Variants in PRR16 observed in about 807,000 individuals in gnomAD.
PRR16 encodes protein Largen.
PRR16 carries 6 observed loss-of-function variants against 18.2 expected under a neutral mutation model. That is an observed-to-expected ratio of 0.33 (90% CI 0.18 to 0.65). The LOEUF (loss-of-function observed/expected upper bound fraction) is 0.65, where lower values mean the gene tolerates loss of function less well. Ranked by LOEUF, PRR16 falls within the 30% of genes least tolerant of loss-of-function variation. PRR16 has a pLI of 0.74. For missense variants in PRR16, 412 were observed against 376.6 expected, an observed-to-expected ratio of 1.09 and a Z score of -0.78; for synonymous variants, 151 against 147.8, an observed-to-expected ratio of 1.02 and a Z score of -0.16.
chr5:120,761,856 C>G, the PRR16 span, among the ~76,000 whole-genome samples: 2 of 152,110 alleles, frequency 1.3e-5, no homozygotes, highest in African/African-American at 4.8e-5. Context: ...ACCAACCTCT[C>G]TTCATTTACC....
At chr5:120,593,647 A>G (rs891030522) in intron 1 of PRR16, among the ~76,000 whole-genome samples, 1 of 152,142 alleles carries the variant, frequency 6.6e-6, no homozygotes, top group Admixed American at 6.5e-5. Flanking sequence ...TCTCCAATTC[A>G]TTCCATGAGG....
chr5:120,716,948 G>C, the PRR16 span, among the ~76,000 whole-genome samples: 2 of 152,074 alleles, frequency 1.3e-5, no homozygotes, highest in Middle Eastern at 3.2e-3. Context: ...GTGAGTGAAT[G>C]AATCAATATT....
the PRR16 span, among the ~76,000 whole-genome samples, chr5:120,779,811 C>T: frequency 6.6e-6 from 1 of 152,144 alleles, no homozygotes; most frequent in East Asian, 1.9e-4. Context: ...ACTGCCACCT[C>T]CTTCAGTTGT....
chr5:120,609,253 G>C (rs1031019702), intron 1 of PRR16, among the ~76,000 whole-genome samples: 1 of 151,808 alleles, frequency 6.6e-6, no homozygotes, highest in East Asian at 1.9e-4. Flanking sequence ...GTACCATTCA[G>C]TGGCATCATT....
chr5:120,541,227 A>C (rs2112683049), intron 1 of PRR16, among the ~76,000 whole-genome samples: 1 of 152,242 alleles, frequency 6.6e-6, no homozygotes, highest in South Asian at 2.1e-4. Flanking sequence ...GCTCACTGCA[A>C]CCTCTGCCTC....
intron 1 of PRR16, among the ~76,000 whole-genome samples, chr5:120,520,531 G>A (rs761897031): frequency 1.3e-5 from 2 of 152,190 alleles, no homozygotes; most frequent in Non-Finnish European, 2.9e-5. Context: ...AGAACCCAGG[G>A]TGAGAGAAAC....
chr5:120,574,862 G>A (rs1312830768), intron 1 of PRR16, among the ~76,000 whole-genome samples: 1 of 148,830 alleles, frequency 6.7e-6, no homozygotes, highest in Non-Finnish European at 1.5e-5. Context: ...TGAAAACAAT[G>A]CAAACATTAA....
chr5:120,672,410 G>A lies in PRR16; in HGVS notation c.160-13544G>A, dbSNP rs576094708. On this transcript the variant is annotated intron_variant, in intron 1 of 1. Coordinates refer to ENST00000407149, the MANE Select transcript of PRR16 (RefSeq NM_001300783.2). The stretch of plus-strand genomic sequence containing the variant: ...GTGTGGAGTGAGGATGGGTGGCACA[G>A]GAGCCTCCTGGTGTGGATGGCAGGA... Among the ~76,000 whole-genome samples, 12 of 152,016 alleles carry A rather than the reference G, an allele frequency of 7.9e-5. No homozygotes were observed. The East Asian group carries it at 2.3e-3, about 29-fold the overall frequency.
At chr5:120,778,543 A>G in the PRR16 span, among the ~76,000 whole-genome samples, 1 of 152,222 alleles carries the variant, frequency 6.6e-6, no homozygotes. Flanking sequence ...CGTCTTGAAT[A>G]GACAACTAGA....
intron 1 of PRR16, among the ~76,000 whole-genome samples, chr5:120,634,520 G>A (rs1755164377): frequency 6.6e-6 from 1 of 152,148 alleles, no homozygotes; most frequent in Admixed American, 6.6e-5. Context: ...GCATGTGCCT[G>A]TAATCCCAGC....
intron 1 of PRR16, among the ~76,000 whole-genome samples, chr5:120,487,684 G>A (rs1749860630): frequency 1.3e-5 from 2 of 152,260 alleles, no homozygotes; most frequent in African/African-American, 2.4e-5. Flanking sequence ...CCAACACTAT[G>A]TTGAATAGGA....
At chr5:120,550,003 A>G (rs1195367211) in intron 1 of PRR16, among the ~76,000 whole-genome samples, 1 of 152,060 alleles carries the variant, frequency 6.6e-6, no homozygotes, top group African/African-American at 2.4e-5. Context: ...ATCAGATCAA[A>G]ACTTTCCTAG....
intron 1 of PRR16, among the ~76,000 whole-genome samples, chr5:120,631,799 A>G (rs1381433662): frequency 6.6e-6 from 1 of 152,052 alleles, no homozygotes; most frequent in Admixed American, 6.6e-5. Context: ...TGGGAGATCT[A>G]TGGCCCCACC....
chr5:120,767,018 A>G, the PRR16 span, among the ~76,000 whole-genome samples: 3 of 152,072 alleles, frequency 2.0e-5, no homozygotes, highest in African/African-American at 7.2e-5. Flanking sequence ...TGATGTAAAA[A>G]CACTAATAAA....
the PRR16 span, among the ~76,000 whole-genome samples, chr5:120,702,911 G>C: frequency 6.6e-6 from 1 of 152,136 alleles, no homozygotes. Context: ...GGAGGACAGG[G>C]GATTGATCTC....
chr5:120,695,194 A>C, the PRR16 span, among the ~76,000 whole-genome samples: 1 of 152,148 alleles, frequency 6.6e-6, no homozygotes, highest in African/African-American at 2.4e-5. Flanking sequence ...ATCTTTTTTT[A>C]AAAACTTTAT....
chr5:120,547,680 C>T (rs1380815217), intron 1 of PRR16, among the ~76,000 whole-genome samples: 1 of 151,942 alleles, frequency 6.6e-6, no homozygotes, highest in Non-Finnish European at 1.5e-5. Flanking sequence ...ATGTCAGTCA[C>T]TGAAGTGAGC....
intron 1 of PRR16, among the ~76,000 whole-genome samples, chr5:120,545,923 G>A (rs1433108114): frequency 3.3e-5 from 5 of 151,888 alleles, no homozygotes; most frequent in African/African-American, 4.8e-5. Context: ...ATACCCAGAG[G>A]CTCTATTTTG....
At chr5:120,657,985 T>C (rs1223991165) in intron 1 of PRR16, 1 of 152,058 alleles carries the variant, frequency 6.6e-6, no homozygotes, top group Non-Finnish European at 1.5e-5. Flanking sequence ...ATTGTTTCTT[T>C]GAGTACCTTC....
Sources: gnomAD v4.1 joint callset for allele counts (sites outside exome capture counted in the v4.1 genomes callset) on GRCh38, gnomAD v4.1.1 for gene constraint, MANE v1.5 for transcripts, NCBI Gene and HGNC (gene_info 2026-07-23, HGNC 2026-07-21) for gene names.